The following DTX3L variants were observed in gnomAD, a reference collection of about 807,000 sequenced individuals.
DTX3L encodes the protein deltex E3 ubiquitin ligase 3L, also known as E3 ubiquitin-protein ligase DTX3L.
Under a neutral mutation model 60.9 loss-of-function variants are expected in DTX3L, and 34 were observed. The observed-to-expected ratio is 0.56, with a 90% confidence interval of 0.42 to 0.74. The LOEUF (loss-of-function observed/expected upper bound fraction) is 0.74. Among genes scored for constraint, DTX3L ranks in the 30% least tolerant of loss-of-function variants. The probability of loss-of-function intolerance (pLI) is 0.00; values close to 1 mark genes in which losing one functional copy is unlikely to be tolerated. For missense variants in DTX3L, 810 were observed against 874.0 expected (o/e 0.93, Z 0.92); for synonymous variants, 290 against 316.6 (o/e 0.92, Z 0.89).
intron 2 of DTX3L, among the ~76,000 whole-genome samples, chr3:122,566,853 G>C (rs935951611): frequency 6.6e-6 from 1 of 152,106 alleles, no homozygotes; most frequent in African/African-American, 2.4e-5. Context: ...GCACCTTCTA[G>C]AGAGAGAAAC....
chr3:122,564,656 CG>C lies in DTX3L; in HGVS notation c.187+45del, dbSNP rs753335847. ...AGGCTGCGAAAGCCCTCTGGGGGCCCGGCCCCCGGGTTTCCAGGCGGACCCA... is the reference window on the plus strand; with the variant it reads ...AGGCTGCGAAAGCCCTCTGGGGGCCCGCCCCCGGGTTTCCAGGCGGACCCA... On this transcript the variant is annotated intron_variant, in intron 1 of 4. Coordinates refer to ENST00000296161, the MANE Select transcript of DTX3L (RefSeq NM_138287.3). 58 of 1,556,234 alleles carry C rather than the reference CG, an allele frequency of 3.7e-5. No individual in the cohort carries two copies. The African/African-American group carries it at 7.0e-4, about 19-fold the overall frequency.
At position 122,573,499 on chromosome 3, in the gene DTX3L, C is replaced by G. The variant is rs1053505841; in HGVS notation, c.*1752C>G. The G allele has an allele frequency of 2.6e-5, 4 of 152,166 alleles. No homozygotes were observed. Among genetic ancestry groups the G allele is most frequent in the Non-Finnish European group, 5.9e-5 (4 of 68,040 alleles). 9.4% of individuals were successfully genotyped at this position (152,166 alleles called of 1,614,324 possible). A position where few individuals can be genotyped will look rare whatever the true frequency, so the allele number is the denominator to read the frequency against. On this transcript the variant is annotated 3_prime_UTR_variant, in exon 5 of 5. Transcript: ENST00000296161. ...TGCTTTTTCCCTTAAGAGACAAGTC[C>G]TTACTATATTGCCCTGTCTCTCAAG...
At chr3:122,565,222 G>A (rs144711502) in intron 1 of DTX3L, among the ~76,000 whole-genome samples, 1 of 152,162 alleles carries the variant, frequency 6.6e-6, no homozygotes. Flanking sequence ...GTATTGAAAT[G>A]GGAGACTGGG....
intron 4 of DTX3L, among the ~76,000 whole-genome samples, chr3:122,571,268 A>G (rs1261866529): frequency 6.6e-6 from 1 of 152,130 alleles, no homozygotes; most frequent in Non-Finnish European, 1.5e-5. Context: ...CCCCTAAAAC[A>G]CAGTATATTA....
rs1328156551 is a variant in DTX3L at position 122,564,513 on chromosome 3, C to T, written c.87C>T (p.Tyr29=). ...GPRVRRKLES[Y]FQSSKSSGGG... is the part of the protein sequence containing the mutation. The stretch of plus-strand genomic sequence containing the variant: ...GAGTACGAAGGAAGCTGGAGAGCTA[C>T]TTCCAGAGCTCTAAGTCCTCGGGCG... Residue 29 remains tyrosine, a synonymous_variant, in exon 1 of 5, where the codon TAC becomes TAT. Transcript: ENST00000296161. 6.2e-7 allele frequency: 1 copy of T among 1,612,630 alleles called. No individual in the cohort carries two copies. The highest frequency in any genetic ancestry group is 1.3e-5 in the African/African-American group (1 of 74,838).
rs1487077149 is a variant in DTX3L, at chr3:122,569,061, A to G, written c.972A>G (p.Glu324=). ...AGCAGGCAAATAAATTCAAACAGGAATTGAATCACCAGTTTACAAAGCTCC... is the reference window on the plus strand; with the variant it reads ...AGCAGGCAAATAAATTCAAACAGGAGTTGAATCACCAGTTTACAAAGCTCC... ...DSKQANKFKQ[E]LNHQFTKLLI... Residue 324 remains glutamate (E), a synonymous_variant, in exon 3 of 5, where the codon GAA becomes GAG. Coordinates refer to ENST00000296161, the MANE Select transcript of DTX3L (RefSeq NM_138287.3). 2 of 1,613,986 alleles carry G rather than the reference A, an allele frequency of 1.2e-6. No homozygotes were observed. The highest frequency in any genetic ancestry group is 1.7e-5 in the Admixed American group (1 of 60,002).
At position 122,564,352 on chromosome 3, in the gene DTX3L, A is replaced by G; in HGVS notation, c.-75A>G. The stretch of plus-strand genomic sequence containing the variant: ...GAAGCGAAACTGAAACTTTGCGCCC[A>G]GTCCGCAGGGCGGGCCGCGCCTTTA... On this transcript the variant is annotated 5_prime_UTR_variant, in exon 1 of 5. Transcript: ENST00000296161. The G allele has an allele frequency of 1.3e-6, 2 of 1,481,996 alleles. No individual in the cohort carries two copies. Among genetic ancestry groups the G allele is most frequent in the Non-Finnish European group, 1.8e-6 (2 of 1,109,290 alleles). 91.8% of individuals were successfully genotyped at this position (1,481,996 alleles called of 1,614,324 possible).
intron 2 of DTX3L, among the ~76,000 whole-genome samples, chr3:122,567,312 C>T (rs749585258): frequency 4.6e-5 from 7 of 152,118 alleles, no homozygotes; most frequent in African/African-American, 9.6e-5. Flanking sequence ...GAAAACTGAA[C>T]GTAGAAAGGG....
chr3:122,568,442 T>C (rs9839782), intron 2 of DTX3L, 47 bp from the exon 3 acceptor site: 450,306 of 1,467,156 alleles, frequency 0.31, 70,029 homozygotes, highest in Admixed American at 0.37. Flanking sequence ...ATGGTAGGCC[T>C]GCATGCTGAG....
chr3:122,566,248 CTGGGGGCCAGGTCA>C (rs1425594146), intron 2 of DTX3L, among the ~76,000 whole-genome samples, 178 bp downstream of exon 2: 1 of 152,238 alleles, frequency 6.6e-6, no homozygotes, highest in African/African-American at 2.4e-5. Flanking sequence ...GCAGCTTATA[CTGGGGGCCAGGTCA>C]TGCACAGAAA....
intron 1 of DTX3L, 55 bp from the exon 2 acceptor site, chr3:122,565,804 A>T: frequency 2.6e-6 from 4 of 1,544,770 alleles, no homozygotes; most frequent in Non-Finnish European, 3.6e-6. Flanking sequence ...GGATTACTTG[A>T]AATCTCTCCC....
rs1312783212 is a variant in DTX3L, at chr3:122,565,985, C to T, written c.314C>T (p.Thr105Ile). Residue 105 changes from threonine (T) to isoleucine (I), a missense_variant, in exon 2 of 5, where the codon ACA becomes ATA. Coordinates refer to ENST00000296161, the MANE Select transcript of DTX3L (RefSeq NM_138287.3). ...ACGAGACCTCAAATTTCTTCACTGA[C>T]ACAATCACAAGCAGAAACACCGTCT... ...KNTRPQISSL[T>I]QSQAETPSGD... is the part of the protein sequence containing the mutation. 2 of 1,614,162 alleles carry T rather than the reference C, an allele frequency of 1.2e-6. No individual in the cohort carries two copies. Among genetic ancestry groups the T allele is most frequent in the East Asian group, 4.5e-5 (2 of 44,876 alleles).
chr3:122,568,362 G>T, intron 2 of DTX3L, 127 bp from the exon 3 acceptor site: 2 of 436,058 alleles, frequency 4.6e-6, no homozygotes, highest in Non-Finnish European at 7.7e-6. Flanking sequence ...GGATTTGAAA[G>T]AAGTTGCCCC....
Position 122,569,882 on chromosome 3 carries a change from CAT to C in DTX3L, c.1794_1795del (p.Cys599ProfsTer29). The C allele has an allele frequency of 1.2e-6, 2 of 1,614,168 alleles. No homozygotes were observed. Among genetic ancestry groups the C allele is most frequent in the Non-Finnish European group, 1.7e-6 (2 of 1,180,026 alleles). ...ATGTCATATAAGCCAATCTGTCCCA[CAT>C]GCCAGACTTCCTATGGTATTCAGAA... On this transcript the variant is annotated frameshift_variant, in exon 3 of 5. Transcript: ENST00000296161. LOFTEE classifies it high-confidence loss of function.
chr3:122,570,216 T>G (rs2080635288), intron 3 of DTX3L, 192 bp downstream of exon 3: 1 of 761,728 alleles, frequency 1.3e-6, no homozygotes, highest in Non-Finnish European at 2.1e-6. Context: ...GTCTATTTCT[T>G]AAGACAGAGA....
chr3:122,567,502 T>G (rs553953309), intron 2 of DTX3L, among the ~76,000 whole-genome samples: 50 of 152,292 alleles, frequency 3.3e-4, no homozygotes, highest in African/African-American at 1.1e-3. Context: ...GAACAAAACA[T>G]TAGGAATTTT....
At position 122,574,799 on chromosome 3, in the gene DTX3L, T is replaced by TG. The variant is rs1252457093; in HGVS notation, c.*3054dup. 8.5e-5 allele frequency: 13 copies of TG among 152,234 alleles called. No individual in the cohort carries two copies. Among genetic ancestry groups the TG allele is most frequent in the African/African-American group, 2.9e-4 (12 of 41,458 alleles). 9.4% of individuals were successfully genotyped at this position (152,234 alleles called of 1,614,324 possible). On this transcript the variant is annotated 3_prime_UTR_variant, in exon 5 of 5. Coordinates refer to ENST00000296161, the MANE Select transcript of DTX3L (RefSeq NM_138287.3). ...CTTTATTCTGGGCTTCTCTCAGAAA[T>TG]GGATTCCCACACAGTATTCAAAGCA...
At chr3:122,570,803 A>T in intron 4 of DTX3L, 131 bp downstream of exon 4, 5 of 924,832 alleles carry the variant, frequency 5.4e-6, no homozygotes, top group Non-Finnish European at 6.5e-6. Context: ...CTGATCGGGG[A>T]TGGTAATCTC....
rs1469610252 is a variant in DTX3L at position 122,575,033 on chromosome 3, CA to C, written c.*3290del. 6.6e-6 allele frequency: 1 copy of C among 152,140 alleles called. No individual in the cohort carries two copies. The highest frequency in any genetic ancestry group is 1.5e-5 in the Non-Finnish European group (1 of 68,032). The allele number at this position is 152,140 out of a possible 1,614,324, so 9.4% of individuals were successfully genotyped here. ...TTTAGCTAAATTTGTTCCAAAGAAGCAAAAGTTTGGTTTCTACTAAGTTCTG... is the reference window on the plus strand; with the variant it reads ...TTTAGCTAAATTTGTTCCAAAGAAGCAAAGTTTGGTTTCTACTAAGTTCTG... On this transcript the variant is annotated 3_prime_UTR_variant, in exon 5 of 5. Transcript: ENST00000296161.
Sources: allele counts gnomAD v4.1 joint callset (sites outside exome capture counted in the v4.1 genomes callset), GRCh38; gene constraint gnomAD v4.1.1; transcripts MANE v1.5; gene names NCBI Gene and HGNC (gene_info 2026-07-23, HGNC 2026-07-21).